HIP1: variants seen among roughly 807,000 people sequenced by gnomAD.
The protein encoded by HIP1 is huntingtin-interacting protein 1.
Under a neutral mutation model 147.6 loss-of-function variants are expected in HIP1, and 65 were observed. The observed-to-expected ratio is 0.44, with a 90% CI of 0.36 to 0.54. The LOEUF (loss-of-function observed/expected upper bound fraction) is 0.54. Ranked by LOEUF, HIP1 falls within the 20% of genes least tolerant of loss-of-function variation. The probability of loss-of-function intolerance (pLI) is 0.00; values close to 1 mark genes in which losing one functional copy is unlikely to be tolerated. For synonymous variants in HIP1, 479 were observed against 504.0 expected (o/e 0.95, Z 0.67); for missense variants, 1,061 against 1,299.6 (o/e 0.82, Z 2.82).
chr7:75,573,948 C>A, intron 7 of HIP1, 47 bp from the exon 8 acceptor site: 1 of 1,571,866 alleles, frequency 6.4e-7, no homozygotes, highest in Non-Finnish European at 8.7e-7. Flanking sequence ...CAGGGGATTA[C>A]AGGCAGCCTC....
intron 1 of HIP1, among the ~76,000 whole-genome samples, chr7:75,697,898 CTGAGA>C (rs1800692506): frequency 6.6e-6 from 1 of 152,218 alleles, no homozygotes. Context: ...CTAGGAAGAG[CTGAGA>C]TAACAAATTC....
At chr7:75,538,865 C>T (rs1297765310) in intron 30 of HIP1, among the ~76,000 whole-genome samples, 7 of 152,058 alleles carry the variant, frequency 4.6e-5, no homozygotes, top group African/African-American at 1.7e-4. Flanking sequence ...TGAGCCACCA[C>T]GCCCGGCCTA....
chr7:75,639,250 G>GGGGGA (rs1798556955), intron 1 of HIP1: 1 of 900,848 alleles, frequency 1.1e-6, no homozygotes, highest in Non-Finnish European at 1.3e-6. Context: ...AGGAAGGGGA[G>GGGGGA]GGGGAGGGGA....
At chr7:75,624,931 GTTTAA>G (rs1797983208) in intron 1 of HIP1, among the ~76,000 whole-genome samples, 1 of 140,380 alleles carries the variant, frequency 7.1e-6, no homozygotes, top group Non-Finnish European at 1.5e-5. Context: ...GTGTATTTTT[GTTTAA>G]TTTTTTTTTT....
chr7:75,694,657 C>T (rs1379298088), intron 1 of HIP1, among the ~76,000 whole-genome samples: 1 of 147,740 alleles, frequency 6.8e-6, no homozygotes. Context: ...ACTACAGGCA[C>T]CACCACCACA....
At chr7:75,655,301 G>T (rs549774728) in intron 1 of HIP1, among the ~76,000 whole-genome samples, 7 of 152,244 alleles carry the variant, frequency 4.6e-5, no homozygotes. Flanking sequence ...GACACAGGCC[G>T]GGCACGGTGG....
chr7:75,615,812 G>A lies in HIP1; in HGVS notation c.121-16565C>T, dbSNP rs144004064. Among the ~76,000 whole-genome samples, 172 of 151,682 alleles carry A rather than the reference G, an allele frequency of 1.1e-3. 1 individual carries two copies. The East Asian group carries it at 0.032, about 28-fold the overall frequency. ...AAAAACAAACAAAAAATGGCCAGGC[G>A]CGGTGGCTCATGCCTGTAGTCCCAG... On this transcript the variant is annotated intron_variant, in intron 1 of 30. Transcript: ENST00000336926.
At chr7:75,603,703 T>C (rs1563237523) in intron 1 of HIP1, among the ~76,000 whole-genome samples, 1 of 151,164 alleles carries the variant, frequency 6.6e-6, no homozygotes. Context: ...TGAAACCCTG[T>C]CTCTACAAAA....
At chr7:75,578,374 A>G (rs1366964059) in intron 7 of HIP1, among the ~76,000 whole-genome samples, 1 of 152,062 alleles carries the variant, frequency 6.6e-6, no homozygotes, top group Non-Finnish European at 1.5e-5. Flanking sequence ...CAGATCTAGC[A>G]CATTCCAAAG....
At chr7:75,645,345 GCCTCCC>G (rs1554510994) in intron 1 of HIP1, among the ~76,000 whole-genome samples, 1 of 152,062 alleles carries the variant, frequency 6.6e-6, no homozygotes, top group Non-Finnish European at 1.5e-5. Context: ...TCCTGCCTCA[GCCTCCC>G]GAGTAGCTGG....
At chr7:75,544,372 A>G (rs1794454523) in intron 27 of HIP1, among the ~76,000 whole-genome samples, 1 of 148,944 alleles carries the variant, frequency 6.7e-6, no homozygotes, top group Non-Finnish European at 1.5e-5. Flanking sequence ...GCCAAGTACC[A>G]TCTAACCTAA....
intron 1 of HIP1, among the ~76,000 whole-genome samples, chr7:75,638,284 C>A (rs1004980715): frequency 6.6e-6 from 1 of 151,938 alleles, no homozygotes; most frequent in Non-Finnish European, 1.5e-5. Flanking sequence ...CCCCTCCCAT[C>A]AGAATCCCCC....
rs373568952 is a variant in HIP1 at position 75,557,785 on chromosome 7, C to T, written c.1465-15G>A. The stretch of plus-strand genomic sequence containing the variant: ...ACCTCTGCATTCTGCAAAAGAAGAA[C>T]AGTGTCTTGAACCAGGAGATCCCAG... On this transcript the variant is annotated splice_polypyrimidine_tract_variant and intron_variant, in intron 15 of 30. Coordinates refer to ENST00000336926, the MANE Select transcript of HIP1 (RefSeq NM_005338.7). The T allele has an allele frequency of 3.0e-5, 47 of 1,587,874 alleles. No homozygotes were observed. The African/African-American group carries it at 4.2e-4, about 14-fold the overall frequency.
chr7:75,609,610 T>C (rs58962145), intron 1 of HIP1, among the ~76,000 whole-genome samples: 17,788 of 151,768 alleles, frequency 0.12, 2,222 homozygotes, highest in African/African-American at 0.31. Flanking sequence ...CAGGCTGCAG[T>C]GCAGTGGCGC....
chr7:75,578,977 G>A (rs1795941652), intron 7 of HIP1, among the ~76,000 whole-genome samples: 1 of 151,826 alleles, frequency 6.6e-6, no homozygotes, highest in African/African-American at 2.4e-5. Flanking sequence ...CATCAATCAC[G>A]CCTGGCTAAT....
chr7:75,714,260 G>A (rs939686020), intron 1 of HIP1, among the ~76,000 whole-genome samples: 3 of 151,136 alleles, frequency 2.0e-5, no homozygotes, highest in African/African-American at 7.3e-5. Context: ...GGCTGGTTTC[G>A]AACTCCTGGC....
intron 1 of HIP1, chr7:75,611,987 G>T: frequency 1.9e-6 from 1 of 518,472 alleles, no homozygotes; most frequent in Non-Finnish European, 2.5e-6. Flanking sequence ...GGGGAGCTGG[G>T]CCTGGGCCTG....
chr7:75,608,479 C>T (rs1419209162), intron 1 of HIP1, among the ~76,000 whole-genome samples: 2 of 152,172 alleles, frequency 1.3e-5, no homozygotes, highest in African/African-American at 4.8e-5. Flanking sequence ...AAACACTATT[C>T]AGTTTCAGGC....
intron 1 of HIP1, among the ~76,000 whole-genome samples, chr7:75,684,650 A>G (rs1312071398): frequency 6.6e-6 from 1 of 152,082 alleles, no homozygotes; most frequent in African/African-American, 2.4e-5. Flanking sequence ...GTATTTGGCT[A>G]CCCTCACATA....
Sources: allele counts gnomAD v4.1 joint callset (sites outside exome capture counted in the v4.1 genomes callset), GRCh38; gene constraint gnomAD v4.1.1; transcripts MANE v1.5; gene names NCBI Gene and HGNC (gene_info 2026-07-23, HGNC 2026-07-21).